AHCTF1: variants seen among roughly 807,000 people sequenced by gnomAD.
AHCTF1 encodes the protein protein ELYS.
In AHCTF1, 24 loss-of-function variants were observed where a neutral mutation model predicts 248.4. The ratio of observed to expected loss-of-function variants is 0.10; its 90% CI spans 0.07 to 0.14. AHCTF1 has a LOEUF of 0.14. Among genes scored for constraint, AHCTF1 ranks in the 10% least tolerant of loss-of-function variants. The probability of loss-of-function intolerance (pLI) is 1.00; values close to 1 mark genes in which losing one functional copy is unlikely to be tolerated. For synonymous variants in AHCTF1, 786 were observed against 929.8 expected (o/e 0.85, Z 2.81); for missense variants, 2,206 against 2,636.2 (o/e 0.84, Z 3.57).
rs1660680949 is a variant in AHCTF1 at position 246,851,090 on chromosome 1, G to A, written c.4916C>T (p.Ala1639Val). 1 of 1,613,736 alleles carries A rather than the reference G, an allele frequency of 6.2e-7. No homozygotes were observed. The highest frequency in any genetic ancestry group is 1.3e-5 in the African/African-American group (1 of 74,870). Residue 1639 changes from alanine to valine, a missense_variant, in exon 33 of 36, where the codon GCA (alanine) becomes GTA (valine). Around this residue, in one of 6 missense-constraint regions of AHCTF1, gnomAD observed 955 missense variants for 1,055.6 expected, o/e 0.90. Coordinates refer to ENST00000648844, the MANE Select transcript of AHCTF1 (RefSeq NM_001323342.2). ...ACTAGTTACGGCAGATGGCAAATTT[G>A]CAATTTGTCCATGATTATCATTTTC... Reference protein sequence around the residue: ...SGENDNHGQIANLPSAVTSDQ... With the variant: ...SGENDNHGQIVNLPSAVTSDQ...
In AHCTF1 at chr1:246,853,078, T is replaced by A; in HGVS notation, c.4563+13A>T. ...AAAGACTGATAAAGAAGTAAAAAAT[T>A]AATTTTTTTTACATGAATTTCTTGA... On this transcript the variant is annotated intron_variant, in intron 32 of 35. Transcript: ENST00000648844. 6.3e-7 allele frequency: 1 copy of A among 1,597,474 alleles called. No homozygotes were observed. Among genetic ancestry groups the A allele is most frequent in the Non-Finnish European group, 8.5e-7 (1 of 1,171,668 alleles).
intron 24 of AHCTF1, among the ~76,000 whole-genome samples, chr1:246,869,592 T>TA (rs1662413562): frequency 6.6e-6 from 1 of 151,996 alleles, no homozygotes; most frequent in Non-Finnish European, 1.5e-5. Flanking sequence ...CTAAGGCCCT[T>TA]AAAAATGATG....
At chr1:246,921,972 G>A (rs1171093903) in intron 1 of AHCTF1, among the ~76,000 whole-genome samples, 1 of 152,206 alleles carries the variant, frequency 6.6e-6, no homozygotes, top group African/African-American at 2.4e-5. Flanking sequence ...TAATGGCTGT[G>A]TGGAGTTTAA....
At chr1:246,878,749 G>A (rs534573041) in intron 21 of AHCTF1, among the ~76,000 whole-genome samples, 1 of 152,302 alleles carries the variant, frequency 6.6e-6, no homozygotes, top group South Asian at 2.1e-4. Context: ...CCCACTGTTG[G>A]CAGATCAGGG....
intron 24 of AHCTF1, among the ~76,000 whole-genome samples, chr1:246,871,203 C>T (rs1402860670): frequency 6.6e-6 from 1 of 152,124 alleles, no homozygotes; most frequent in East Asian, 1.9e-4. Flanking sequence ...TACTACTTGC[C>T]TATTAGTGAG....
intron 8 of AHCTF1, among the ~76,000 whole-genome samples, chr1:246,901,440 C>T (rs544645239): frequency 8.5e-5 from 13 of 152,076 alleles, no homozygotes; most frequent in African/African-American, 3.1e-4. Context: ...ATGGCTAACA[C>T]GGTGAAACCC....
At chr1:246,872,326 A>T (rs1662655603) in intron 24 of AHCTF1, among the ~76,000 whole-genome samples, 1 of 152,152 alleles carries the variant, frequency 6.6e-6, no homozygotes, top group East Asian at 1.9e-4. Flanking sequence ...GACTGACAAG[A>T]AGACTTTACA....
intron 30 of AHCTF1, among the ~76,000 whole-genome samples, chr1:246,856,204 G>T (rs1661100401): frequency 6.6e-6 from 1 of 152,122 alleles, no homozygotes; most frequent in Admixed American, 6.5e-5. Context: ...TAGAGGCAAG[G>T]TTCAATATTT....
chr1:246,859,204 T>G (rs1387632331), intron 29 of AHCTF1, among the ~76,000 whole-genome samples: 2 of 152,220 alleles, frequency 1.3e-5, no homozygotes, highest in African/African-American at 4.8e-5. Context: ...GACTCTCATC[T>G]TAAACTACTT....
chr1:246,906,319 C>T (rs778299314), intron 5 of AHCTF1, among the ~76,000 whole-genome samples: 1 of 152,088 alleles, frequency 6.6e-6, no homozygotes, highest in African/African-American at 2.4e-5. Flanking sequence ...GTAGCTCACA[C>T]CTGTAATCCC....
chr1:246,885,775 T>C, intron 20 of AHCTF1, 95 bp from the exon 21 acceptor site: 1 of 1,169,124 alleles, frequency 8.6e-7, no homozygotes, highest in South Asian at 1.7e-5. Flanking sequence ...AAAATCCAGA[T>C]AAGACTCGTT....
At chr1:246,867,841 G>C (rs1427602489) in intron 24 of AHCTF1, 30 bp from the exon 25 acceptor site, 1 of 1,531,450 alleles carries the variant, frequency 6.5e-7, no homozygotes, top group East Asian at 2.5e-5. Flanking sequence ...GGAATTAAGT[G>C]CATCTCTAAC....
At chr1:246,894,098 GGA>G (rs559489165) in intron 14 of AHCTF1, among the ~76,000 whole-genome samples, 111 of 152,260 alleles carry the variant, frequency 7.3e-4, no homozygotes, top group African/African-American at 2.5e-3. Flanking sequence ...AAGCTACTCA[GGA>G]GGCTGAGGCA....
chr1:246,861,913 A>T (rs775105289), intron 28 of AHCTF1, 46 bp downstream of exon 28: 2 of 1,510,568 alleles, frequency 1.3e-6, no homozygotes, highest in Non-Finnish European at 1.8e-6. Flanking sequence ...GAGCTAATAC[A>T]TTCTTATTAA....
Position 246,926,046 on chromosome 1 carries a change from TAA to T in AHCTF1, c.-8+5530_-8+5531del, listed in dbSNP as rs35982364. Among the ~76,000 whole-genome samples the T allele has an allele frequency of 8.2e-4, 99 of 121,224 alleles. 1 individual carries two copies. Among genetic ancestry groups the T allele is most frequent in the Admixed American group, 8.7e-4 (10 of 11,478 alleles). 79.5% of individuals were successfully genotyped at this position (121,224 alleles called of 152,430 possible). On this transcript the variant is annotated intron_variant, in intron 1 of 35. Transcript: ENST00000648844. The stretch of plus-strand genomic sequence containing the variant: ...CTAGGCGACAGTGAGACCCTGTCTT[TAA>T]AAAAAAAAAAAAAAAAAAGGCCTGG...
At chr1:246,905,480 G>A (rs1049728742) in intron 6 of AHCTF1, 61 bp downstream of exon 6, 5 of 1,367,126 alleles carry the variant, frequency 3.7e-6, no homozygotes, top group East Asian at 4.6e-5. Flanking sequence ...CTGGACAACA[G>A]AGCGAGACTC....
intron 4 of AHCTF1, among the ~76,000 whole-genome samples, chr1:246,912,453 A>G (rs548368459): frequency 7.2e-5 from 11 of 151,954 alleles, no homozygotes; most frequent in African/African-American, 2.7e-4. Context: ...ACTGCACTCC[A>G]GCCTGGCAAC....
chr1:246,862,567 A>G (rs749618289), intron 27 of AHCTF1, among the ~76,000 whole-genome samples: 5 of 152,226 alleles, frequency 3.3e-5, no homozygotes, highest in Non-Finnish European at 5.9e-5. Flanking sequence ...TCCAATAAAC[A>G]TATCAATAGA....
rs371095250 is a variant in AHCTF1 at position 246,849,595 on chromosome 1, T to G, written c.6391+20A>C. 10 of 1,580,012 alleles carry G rather than the reference T, an allele frequency of 6.3e-6. No individual in the cohort carries two copies. In the African/African-American group the frequency reaches 1.4e-4, roughly 22 times the overall value. ...AGAGTGACTGAGATGAAAAACTGTT[T>G]TGCAGAGAAAGAAAAGTACCTTTTG... is the stretch of plus-strand genomic sequence containing the variant. On this transcript the variant is annotated intron_variant, in intron 33 of 35. Transcript: ENST00000648844.
Sources: gnomAD v4.1 joint callset for allele counts (sites outside exome capture counted in the v4.1 genomes callset) on GRCh38, gnomAD v4.1.1 for gene constraint, gnomAD v4.1.1 regional missense constraint, MANE v1.5 for transcripts, NCBI Gene and HGNC (gene_info 2026-07-23, HGNC 2026-07-21) for gene names.